Variants in PTPRD observed in about 807,000 individuals in gnomAD.
PTPRD encodes protein tyrosine phosphatase receptor type D, also known as receptor-type tyrosine-protein phosphatase delta.
Under a neutral mutation model 214.5 loss-of-function variants are expected in PTPRD, and 34 were observed. That is an observed-to-expected ratio of 0.16 (90% CI 0.12 to 0.21). The LOEUF (loss-of-function observed/expected upper bound fraction) is 0.21, where lower values mean the gene tolerates loss of function less well. Ranked by LOEUF, PTPRD falls within the 10% of genes least tolerant of loss-of-function variation. PTPRD has a pLI of 1.00. For synonymous variants in PTPRD, 1,128 were observed against 845.7 expected, an observed-to-expected ratio of 1.33 and a Z score of -5.79; for missense variants, 2,545 against 2,398.7, an observed-to-expected ratio of 1.06 and a Z score of -1.27.
intron 9 of PTPRD, among the ~76,000 whole-genome samples, chr9:9,391,665 A>G (rs977202292): frequency 2.0e-5 from 3 of 152,194 alleles, no homozygotes; most frequent in African/African-American, 7.2e-5. Flanking sequence ...TACTTGATAT[A>G]TTAGGGCATT....
chr9:8,893,800 G>C (rs1353260273), intron 11 of PTPRD, among the ~76,000 whole-genome samples: 1 of 152,138 alleles, frequency 6.6e-6, no homozygotes, highest in Non-Finnish European at 1.5e-5. Context: ...ATCTATCAAA[G>C]TGGAAACACA....
At chr9:9,259,561 A>G (rs1423726585) in intron 9 of PTPRD, among the ~76,000 whole-genome samples, 1 of 151,910 alleles carries the variant, frequency 6.6e-6, no homozygotes, top group African/African-American at 2.4e-5. Flanking sequence ...ATATAACCAA[A>G]TTAAAGGAAG....
At chr9:8,433,988 C>CTTGT (rs950672448) in intron 35 of PTPRD, among the ~76,000 whole-genome samples, 4 of 130,912 alleles carry the variant, frequency 3.1e-5, no homozygotes, top group East Asian at 2.2e-4. Context: ...TGTTTGTTTG[C>CTTGT]TTGTTTGTTT....
chr9:9,345,406 C>A (rs1466240663), intron 9 of PTPRD, among the ~76,000 whole-genome samples: 1 of 151,960 alleles, frequency 6.6e-6, no homozygotes, highest in East Asian at 1.9e-4. Context: ...GGCATGAAGG[C>A]AGAGGCTCAA....
At chr9:9,612,417 T>C (rs2094563264) in intron 7 of PTPRD, among the ~76,000 whole-genome samples, 1 of 152,166 alleles carries the variant, frequency 6.6e-6, no homozygotes, top group African/African-American at 2.4e-5. Context: ...GATGTGTCTG[T>C]CTGCAACTGT....
chr9:9,065,277 G>C (rs991228410), intron 10 of PTPRD, among the ~76,000 whole-genome samples: 4 of 152,142 alleles, frequency 2.6e-5, no homozygotes, highest in African/African-American at 9.7e-5. Flanking sequence ...GAAATAGAGA[G>C]ATCAGGGTAC....
intron 5 of PTPRD, among the ~76,000 whole-genome samples, chr9:9,915,908 A>AAAC (rs1403432345): frequency 6.6e-6 from 1 of 152,078 alleles, no homozygotes; most frequent in African/African-American, 2.4e-5. Context: ...GGTCTACTCC[A>AAAC]AGGCGCATTA....
At chr9:8,640,822 T>C (rs1278817760) in intron 12 of PTPRD, among the ~76,000 whole-genome samples, 1 of 152,184 alleles carries the variant, frequency 6.6e-6, no homozygotes, top group East Asian at 1.9e-4. Context: ...ATATATGTCA[T>C]CATCCTATGA....
intron 2 of PTPRD, among the ~76,000 whole-genome samples, chr9:10,521,294 T>C (rs2052177480): frequency 6.6e-6 from 1 of 152,044 alleles, no homozygotes; most frequent in Admixed American, 6.6e-5. Flanking sequence ...GCAAAAGAAC[T>C]AGAATTAGAA....
Position 8,673,432 on chromosome 9 carries a change from A to C in PTPRD, c.65-36588T>G, listed in dbSNP as rs79593730. On this transcript the variant is annotated intron_variant, in intron 12 of 45. Coordinates refer to ENST00000381196, the MANE Select transcript of PTPRD (RefSeq NM_002839.4). ...ACTTAACACATTTTTCATGCTCTAT[A>C]AATTATTAATAATAACAGTAGTAAT... Among the ~76,000 whole-genome samples, 233 of 152,302 alleles carry C rather than the reference A, an allele frequency of 1.5e-3. 1 individual carries two copies. The East Asian group carries it at 0.015, about 10-fold the overall frequency.
chr9:8,890,252 G>C (rs2098527355), intron 11 of PTPRD, among the ~76,000 whole-genome samples: 1 of 152,168 alleles, frequency 6.6e-6, no homozygotes, highest in African/African-American at 2.4e-5. Flanking sequence ...GAAATGGATT[G>C]AGAATGAAAA....
At chr9:8,561,810 C>T (rs566948090) in intron 14 of PTPRD, among the ~76,000 whole-genome samples, 8 of 149,194 alleles carry the variant, frequency 5.4e-5, no homozygotes, top group Admixed American at 2.7e-4. Flanking sequence ...GTAAGGGTAA[C>T]GGTTGAGATG....
At chr9:9,217,628 A>T in intron 9 of PTPRD, among the ~76,000 whole-genome samples, 1 of 152,256 alleles carries the variant, frequency 6.6e-6, no homozygotes, top group South Asian at 2.1e-4. Context: ...TTCCTTAAAA[A>T]GTTTCTCTGG....
At chr9:9,036,223 A>AG (rs1421674245) in intron 10 of PTPRD, among the ~76,000 whole-genome samples, 1 of 151,798 alleles carries the variant, frequency 6.6e-6, no homozygotes, top group African/African-American at 2.4e-5. Context: ...AAAAAAAAAA[A>AG]ACTTGGCAGG....
intron 3 of PTPRD, among the ~76,000 whole-genome samples, chr9:10,060,946 T>TTC (rs2097767885): frequency 7.5e-6 from 1 of 132,828 alleles, no homozygotes; most frequent in Non-Finnish European, 1.6e-5. Flanking sequence ...CTTTCTTTCT[T>TTC]TCTTTCTCTC....
intron 9 of PTPRD, among the ~76,000 whole-genome samples, chr9:9,318,264 C>T (rs1263085267): frequency 4.1e-5 from 6 of 147,806 alleles, no homozygotes; most frequent in Admixed American, 3.4e-4. Context: ...TCCCTCAATA[C>T]TTGTTAAAAA....
intron 5 of PTPRD, among the ~76,000 whole-genome samples, chr9:9,788,369 G>T (rs980639938): frequency 2.6e-5 from 4 of 151,070 alleles, no homozygotes; most frequent in East Asian, 4.0e-4. Flanking sequence ...GACTAACACG[G>T]TGAAACCCCG....
rs142718064 is a variant in PTPRD at position 9,781,795 on chromosome 9, A to ATTTT, written c.-367-14945_-367-14944insAAAA. 4.1e-5 allele frequency among the ~76,000 whole-genome samples: 6 copies of ATTTT among 147,280 alleles called. 1 individual carries two copies. Among genetic ancestry groups the ATTTT allele is most frequent in the African/African-American group, 7.6e-5 (3 of 39,466 alleles). On this transcript the variant is annotated intron_variant, in intron 5 of 45. Coordinates refer to ENST00000381196, the MANE Select transcript of PTPRD (RefSeq NM_002839.4). ...TGACTAACATTTTTTGTCTGGACTCATATTTTTTTTTTTTTTAGACGGAGT... is the reference window on the plus strand; with the variant it reads ...TGACTAACATTTTTTGTCTGGACTCATTTTTATTTTTTTTTTTTTTAGACGGAGT...
intron 2 of PTPRD, among the ~76,000 whole-genome samples, chr9:10,446,820 C>T (rs1055520470): frequency 6.6e-6 from 1 of 152,084 alleles, no homozygotes; most frequent in Non-Finnish European, 1.5e-5. Context: ...AGAGTGATGA[C>T]TTTGAAAAGA....
Sources: gnomAD v4.1 joint callset for allele counts (sites outside exome capture counted in the v4.1 genomes callset) on GRCh38, gnomAD v4.1.1 for gene constraint, MANE v1.5 for transcripts, NCBI Gene and HGNC (gene_info 2026-07-23, HGNC 2026-07-21) for gene names.